NALF1: variants seen among roughly 807,000 people sequenced by gnomAD.
NALF1 encodes family with sequence similarity 155 member A.
A neutral mutation model predicts 48.4 loss-of-function variants in NALF1; 3 were observed. The ratio of observed to expected loss-of-function variants is 0.06; its 90% CI spans 0.03 to 0.16. NALF1 has a LOEUF of 0.16. Among genes scored for constraint, NALF1 ranks in the 10% least tolerant of loss-of-function variants. NALF1 has a pLI of 1.00. For missense variants in NALF1, 526 were observed against 571.5 expected (o/e 0.92, Z 0.81); for synonymous variants, 262 against 245.7 (o/e 1.07, Z -0.62).
intron 1 of NALF1, among the ~76,000 whole-genome samples, chr13:107,529,731 T>C (rs9587399): frequency 4.3e-4 from 65 of 152,216 alleles, no homozygotes; most frequent in African/African-American, 1.5e-3. Context: ...TTCCTTTTTT[T>C]AGATCTTCCG....
At chr13:107,360,726 C>T (rs1883046593) in intron 1 of NALF1, among the ~76,000 whole-genome samples, 1 of 152,032 alleles carries the variant, frequency 6.6e-6, no homozygotes, top group Non-Finnish European at 1.5e-5. Context: ...AATTAAATAC[C>T]TCAATGTAAT....
intron 1 of NALF1, among the ~76,000 whole-genome samples, chr13:107,683,675 G>T (rs1273558234): frequency 1.3e-5 from 2 of 152,190 alleles, no homozygotes; most frequent in African/African-American, 4.8e-5. Context: ...GGGGTCCCCA[G>T]AGAGGCCGTG....
At chr13:107,372,600 GAT>G (rs1422827729) in intron 1 of NALF1, among the ~76,000 whole-genome samples, 2 of 152,148 alleles carry the variant, frequency 1.3e-5, no homozygotes, top group Non-Finnish European at 2.9e-5. Context: ...TATCATAAAA[GAT>G]AGTCATACAA....
intron 1 of NALF1, among the ~76,000 whole-genome samples, chr13:107,428,309 T>C (rs533972352): frequency 2.0e-5 from 3 of 152,316 alleles, no homozygotes; most frequent in African/African-American, 7.2e-5. Context: ...TGCCCGAGGT[T>C]GCACTGCTGC....
chr13:107,232,641 T>C (rs1176683493), intron 1 of NALF1, among the ~76,000 whole-genome samples: 2 of 152,220 alleles, frequency 1.3e-5, no homozygotes, highest in Non-Finnish European at 2.9e-5. Flanking sequence ...TTTAATAATA[T>C]TTCTTGCTTC....
intron 1 of NALF1, among the ~76,000 whole-genome samples, chr13:107,436,536 A>G (rs947486198): frequency 1.3e-5 from 2 of 152,218 alleles, no homozygotes; most frequent in South Asian, 4.1e-4. Flanking sequence ...TCCATTCATG[A>G]CAATAACTGT....
chr13:107,399,878 A>C (rs146343589), intron 1 of NALF1, among the ~76,000 whole-genome samples: 1 of 152,316 alleles, frequency 6.6e-6, no homozygotes, highest in African/African-American at 2.4e-5. Flanking sequence ...CATTCTGTGT[A>C]CCATATTGTT....
intron 1 of NALF1, among the ~76,000 whole-genome samples, chr13:107,450,102 G>C (rs140795026): frequency 0.019 from 2,920 of 152,242 alleles, 49 homozygotes; most frequent in South Asian, 0.034. Flanking sequence ...GTCCCCTCTG[G>C]AGGCCAAGCT....
At chr13:107,345,107 A>G (rs1882749675) in intron 1 of NALF1, among the ~76,000 whole-genome samples, 1 of 152,116 alleles carries the variant, frequency 6.6e-6, no homozygotes, top group Non-Finnish European at 1.5e-5. Flanking sequence ...ACACATACAC[A>G]CACACAAGAC....
chr13:107,714,743 G>C (rs994436819), intron 1 of NALF1, among the ~76,000 whole-genome samples: 1 of 151,712 alleles, frequency 6.6e-6, no homozygotes, highest in Non-Finnish European at 1.5e-5. Context: ...GTTTGATACA[G>C]ATGTGTTTGT....
At chr13:107,449,736 C>T (rs927499239) in intron 1 of NALF1, among the ~76,000 whole-genome samples, 4 of 152,092 alleles carry the variant, frequency 2.6e-5, no homozygotes, top group African/African-American at 7.2e-5. Context: ...AGCCAATTTT[C>T]GCACGGCACT....
intron 1 of NALF1, among the ~76,000 whole-genome samples, chr13:107,705,407 C>T (rs542240509): frequency 3.9e-5 from 6 of 152,084 alleles, no homozygotes; most frequent in African/African-American, 1.2e-4. Context: ...TGTGAGACAG[C>T]GTGCACACAG....
At chr13:107,800,517 T>C (rs1450314752) in intron 1 of NALF1, among the ~76,000 whole-genome samples, 10 of 141,164 alleles carry the variant, frequency 7.1e-5, no homozygotes, top group African/African-American at 2.6e-4. Context: ...AACCAAGCAT[T>C]TGCATCTGAA....
At chr13:107,793,972 G>A (rs1041869302) in intron 1 of NALF1, among the ~76,000 whole-genome samples, 1 of 152,036 alleles carries the variant, frequency 6.6e-6, no homozygotes, top group East Asian at 1.9e-4. Flanking sequence ...GCACCCTCAG[G>A]ACAATATGTC....
At chr13:107,547,598 C>A (rs1476941572) in intron 1 of NALF1, among the ~76,000 whole-genome samples, 1 of 152,128 alleles carries the variant, frequency 6.6e-6, no homozygotes, top group East Asian at 1.9e-4. Flanking sequence ...GTTACCAAGG[C>A]ACAATTTGCC....
intron 1 of NALF1, among the ~76,000 whole-genome samples, chr13:107,333,919 T>C (rs1013593696): frequency 3.3e-5 from 5 of 152,234 alleles, no homozygotes; most frequent in Non-Finnish European, 7.3e-5. Flanking sequence ...TTCTCACTGA[T>C]GAATAATTCA....
At chr13:107,656,778 A>G (rs560344670) in intron 1 of NALF1, among the ~76,000 whole-genome samples, 11 of 152,294 alleles carry the variant, frequency 7.2e-5, no homozygotes, top group Admixed American at 5.2e-4. Flanking sequence ...TCAATCAATG[A>G]GTGGATAAAG....
At chr13:107,183,370 T>C (rs183667986) in intron 2 of NALF1, among the ~76,000 whole-genome samples, 92 of 152,212 alleles carry the variant, frequency 6.0e-4, no homozygotes, top group African/African-American at 2.1e-3. Flanking sequence ...TGTGGGGAAA[T>C]AGGAACACTT....
chr13:107,409,798 C>T (rs1883958495), intron 1 of NALF1, among the ~76,000 whole-genome samples: 1 of 152,156 alleles, frequency 6.6e-6, no homozygotes. Context: ...ATCTGATAAT[C>T]TCGATTAGTC....
Sources: allele counts gnomAD v4.1 joint callset (sites outside exome capture counted in the v4.1 genomes callset), GRCh38; gene constraint gnomAD v4.1.1; transcripts MANE v1.5; gene names NCBI Gene and HGNC (gene_info 2026-07-23, HGNC 2026-07-21).